The following PTPN5 variants were observed in gnomAD, a reference collection of about 807,000 sequenced individuals.
PTPN5 encodes the protein tyrosine-protein phosphatase non-receptor type 5.
PTPN5 carries 29 observed loss-of-function variants against 73.9 expected under a neutral mutation model. The observed-to-expected ratio is 0.39, with a 90% CI of 0.29 to 0.54. The LOEUF (loss-of-function observed/expected upper bound fraction) is 0.54. Ranked by LOEUF, PTPN5 falls within the 20% of genes least tolerant of loss-of-function variation. The pLI is 0.65. For missense variants in PTPN5, 652 were observed against 751.4 expected (o/e 0.87, Z 1.55); for synonymous variants, 267 against 304.7 (o/e 0.88, Z 1.29).
Position 18,737,962 on chromosome 11 carries a change from T to G in PTPN5, c.918A>C (p.Glu306Asp). 6.2e-7 allele frequency: 1 copy of G among 1,614,056 alleles called. No individual in the cohort carries two copies. The highest frequency in any genetic ancestry group is 8.5e-7 in the Non-Finnish European group (1 of 1,179,882). ...TCGGATCCACAAAGTTCATGGGGAT[T>G]TCCTGTGGAAGGAGGACACGGGGTG... ...DPFLLQAEFF[E>D]IPMNFVDPKE... The change falls in exon 9 of 15, where the codon GAA becomes GAC. Residue 306 changes from glutamate to aspartate, a missense_variant and splice_region_variant. Physicochemically the swap from Glu to Asp is conservative, Grantham distance 45 (BLOSUM62 2). Coordinates refer to ENST00000358540, the MANE Select transcript of PTPN5 (RefSeq NM_006906.2).
intron 9 of PTPN5, 30 bp downstream of exon 9, chr11:18,737,850 C>A (rs1466766705): frequency 1.3e-6 from 2 of 1,591,462 alleles, no homozygotes; most frequent in Non-Finnish European, 1.7e-6. Flanking sequence ...CTGAGCCTGC[C>A]CCCATCCCTC....
chr11:18,767,977 T>C lies in PTPN5; in HGVS notation c.21-2094A>G, dbSNP rs143143824. Among the ~76,000 whole-genome samples the C allele has an allele frequency of 7.8e-3, 1,184 of 152,350 alleles. 11 individuals are homozygous for C. Among genetic ancestry groups the C allele is most frequent in the African/African-American group, 0.027 (1,112 of 41,576 alleles). ...CTTGACACGGTTAGAAATGTCACTG[T>C]AATATATGCCATTATTCAACATCTG... is the stretch of plus-strand genomic sequence containing the variant. On this transcript the variant is annotated intron_variant, in intron 2 of 14. Transcript: ENST00000358540.
chr11:18,791,853 C>G (rs1259065025), upstream of PTPN5: 1 of 152,040 alleles, frequency 6.6e-6, no homozygotes, highest in Non-Finnish European at 1.5e-5. Flanking sequence ...TCCGCCCCGC[C>G]CCCGGGCGGG....
At position 18,729,418 on chromosome 11, in the gene PTPN5, C is replaced by T. The variant is rs1329616015; in HGVS notation, c.1604+35G>A. 1 of 1,034,096 alleles carries T rather than the reference C, an allele frequency of 9.7e-7. No homozygotes were observed. Among genetic ancestry groups the T allele is most frequent in the South Asian group, 1.3e-5 (1 of 79,268 alleles). The allele number at this position is 1,034,096 out of a possible 1,614,324, so 64.1% of individuals were successfully genotyped here. On this transcript the variant is annotated intron_variant, in intron 14 of 14. Transcript: ENST00000358540. The surrounding 1 kb of genome is among the most constrained non-coding windows in gnomAD (Gnocchi z 5.2). ...CCTCTACCCGCTCGGGGCTCTAGCT[C>T]CCTTGTGTGTCCCCACTCCCGCCCG...
chr11:18,792,040 C>G (rs1031783231), upstream of PTPN5: 68 of 152,460 alleles, frequency 4.5e-4, no homozygotes, highest in African/African-American at 1.6e-3. Context: ...GCCCCCATGC[C>G]AAGGTTGCTT....
Position 18,779,297 on chromosome 11 carries a change from G to A in PTPN5, c.-113-7226C>T, listed in dbSNP as rs4132494. ...AACTGAGTCAGAAGCAGGGCCTGGA[G>A]GGGAAGACACAGCGAGGCTGGGTTT... On this transcript the variant is annotated intron_variant, in intron 1 of 14. Coordinates refer to ENST00000358540, the MANE Select transcript of PTPN5 (RefSeq NM_006906.2). Among the ~76,000 whole-genome samples, 1,369 of 152,218 alleles carry A rather than the reference G, an allele frequency of 9.0e-3. 21 individuals carry two copies. Among genetic ancestry groups the A allele is most frequent in the African/African-American group, 0.031 (1,282 of 41,520 alleles).
chr11:18,756,930 A>AAAC (rs1564910584), intron 3 of PTPN5, among the ~76,000 whole-genome samples: 5 of 148,920 alleles, frequency 3.4e-5, no homozygotes, highest in East Asian at 2.0e-4. Flanking sequence ...TCAAAAAAAA[A>AAAC]AAAAAACCAA....
rs1034542790 is a variant in PTPN5, at chr11:18,729,935, G to A, written c.1330-117C>T. On this transcript the variant is annotated intron_variant, in intron 12 of 14. Coordinates refer to ENST00000358540, the MANE Select transcript of PTPN5 (RefSeq NM_006906.2). The surrounding 1 kb of genome is among the most constrained non-coding windows in gnomAD (Gnocchi z 5.2). ...GAACACAGGAAGAACACTGAGAGTG[G>A]GACCCCTTCACCCTTCCATCTAGGC... 1.5e-6 allele frequency: 2 copies of A among 1,353,580 alleles called. No individual in the cohort carries two copies. The highest frequency in any genetic ancestry group is 1.4e-5 in the African/African-American group (1 of 69,830). 83.8% of individuals were successfully genotyped at this position (1,353,580 alleles called of 1,614,324 possible). A position where few individuals can be genotyped will look rare whatever the true frequency, so the allele number is the denominator to read the frequency against.
chr11:18,750,346 C>A (rs956053059), intron 3 of PTPN5, among the ~76,000 whole-genome samples: 10 of 152,132 alleles, frequency 6.6e-5, no homozygotes, highest in African/African-American at 2.2e-4. Flanking sequence ...AGAACCCAGG[C>A]AGACTGCTTC....
At chr11:18,781,870 C>T (rs144185737) in intron 1 of PTPN5, among the ~76,000 whole-genome samples, 108 of 152,218 alleles carry the variant, frequency 7.1e-4, no homozygotes, top group African/African-American at 2.5e-3. Context: ...GGCACAAAAA[C>T]AGAGTCTGGG....
At chr11:18,780,571 C>T (rs1335794163) in intron 1 of PTPN5, among the ~76,000 whole-genome samples, 4 of 152,146 alleles carry the variant, frequency 2.6e-5, no homozygotes, top group African/African-American at 9.7e-5. Context: ...CAAGGCCCAC[C>T]TCAGCCCAGG....
chr11:18,739,872 G>A (rs1849286168), intron 8 of PTPN5, among the ~76,000 whole-genome samples: 1 of 152,206 alleles, frequency 6.6e-6, no homozygotes, highest in Non-Finnish European at 1.5e-5. Flanking sequence ...TTATAGGGGT[G>A]CCCCCATGCG....
At chr11:18,762,043 AG>A (rs1381153042) in intron 3 of PTPN5, among the ~76,000 whole-genome samples, 2 of 152,194 alleles carry the variant, frequency 1.3e-5, no homozygotes, top group East Asian at 3.9e-4. Flanking sequence ...GGGGTGTCCC[AG>A]GGGCTGTGAG....
At chr11:18,739,528 T>A (rs1317506375) in intron 8 of PTPN5, among the ~76,000 whole-genome samples, 2 of 151,880 alleles carry the variant, frequency 1.3e-5, no homozygotes, top group Admixed American at 1.3e-4. Flanking sequence ...AGGTAAGGGG[T>A]GCTGATGGTG....
intron 8 of PTPN5, 56 bp from the exon 9 acceptor site, chr11:18,738,020 T>A (rs1467216844): frequency 3.4e-6 from 5 of 1,458,242 alleles, no homozygotes; most frequent in Non-Finnish European, 3.8e-6. Context: ...GATGTTTGAA[T>A]CCAGGGGCTG....
At chr11:18,775,409 C>T (rs549392866) in intron 1 of PTPN5, among the ~76,000 whole-genome samples, 43 of 152,266 alleles carry the variant, frequency 2.8e-4, no homozygotes, top group Middle Eastern at 3.4e-3. Context: ...CCCAAGCAAA[C>T]GAGTGAAGGA....
At position 18,779,230 on chromosome 11, in the gene PTPN5, C is replaced by A. The variant is rs191270179; in HGVS notation, c.-113-7159G>T. On this transcript the variant is annotated intron_variant, in intron 1 of 14. Coordinates refer to ENST00000358540, the MANE Select transcript of PTPN5 (RefSeq NM_006906.2). ...TCAGGCCTGGCTCACGTCATGGCAA[C>A]CTGGGAAGATCTTGGCATCTTCAGG... 3.9e-5 allele frequency among the ~76,000 whole-genome samples: 6 copies of A among 152,202 alleles called. No individual in the cohort carries two copies. The East Asian group carries it at 1.2e-3, about 29-fold the overall frequency.
chr11:18,744,295 CTG>C, intron 3 of PTPN5, 96 bp from the exon 4 acceptor site: 1 of 1,115,580 alleles, frequency 9.0e-7, no homozygotes, highest in Non-Finnish European at 1.2e-6. Flanking sequence ...GCCTCTCAAT[CTG>C]GGATCAGTCA....
At position 18,743,070 on chromosome 11, in the gene PTPN5, C is replaced by T; in HGVS notation, c.405G>A (p.Trp135Ter). 6.5e-7 allele frequency: 1 copy of T among 1,550,280 alleles called. No homozygotes were observed. Among genetic ancestry groups the T allele is most frequent in the Non-Finnish European group, 8.7e-7 (1 of 1,145,674 alleles). The change falls in exon 6 of 15, where the codon TGG becomes TGA. Residue 135 changes from tryptophan to a stop codon, truncating the protein, a stop_gained. Transcript: ENST00000358540. LOFTEE classifies it high-confidence loss of function. ...GGACTCCCCACGTCCCAGAGTCAAG[C>T]CAGGCCTGGGGAACATCAGATAAAC... is the stretch of plus-strand genomic sequence containing the variant. ...TLLKQLEPTAWLDSGTWGVPS... is the reference protein window; with the variant it reads ...TLLKQLEPTA
Sources: gnomAD v4.1 joint callset for allele counts (sites outside exome capture counted in the v4.1 genomes callset) on GRCh38, gnomAD v4.1.1 for gene constraint, Gnocchi (gnomAD v3.1) non-coding constraint, MANE v1.5 for transcripts, NCBI Gene and HGNC (gene_info 2026-07-23, HGNC 2026-07-21) for gene names.